Variants in BPGM observed in about 807,000 individuals in gnomAD.
BPGM encodes 2,3-bisphosphoglycerate mutase, erythrocyte.
Under a neutral mutation model 21.6 loss-of-function variants are expected in BPGM, and 15 were observed. The ratio of observed to expected loss-of-function variants is 0.70; its 90% CI spans 0.47 to 1.07. The LOEUF (loss-of-function observed/expected upper bound fraction) is 1.07. BPGM is among the 50% of genes least tolerant of loss of function. The pLI is 0.00. For synonymous variants in BPGM, 113 were observed against 116.2 expected (o/e 0.97, Z 0.18); for missense variants, 273 against 319.0 (o/e 0.86, Z 1.10).
intron 1 of BPGM, among the ~76,000 whole-genome samples, chr7:134,657,438 C>T (rs903154368): frequency 6.6e-6 from 1 of 152,178 alleles, no homozygotes; most frequent in African/African-American, 2.4e-5. Flanking sequence ...AAATAAGATA[C>T]TCAATTTTCA....
chr7:134,673,275 A>C (rs1795934418), intron 2 of BPGM, among the ~76,000 whole-genome samples: 1 of 152,242 alleles, frequency 6.6e-6, no homozygotes, highest in African/African-American at 2.4e-5. Flanking sequence ...AATATTTGTA[A>C]GTAATTAGTC....
intron 1 of BPGM, among the ~76,000 whole-genome samples, chr7:134,658,906 A>G (rs1373385321): frequency 8.8e-5 from 2 of 22,786 alleles, no homozygotes; most frequent in Non-Finnish European, 1.3e-4. Context: ...TTTTTTTAGT[A>G]AAAAGAAAAC....
At chr7:134,658,635 C>G (rs1184344341) in intron 1 of BPGM, 1 of 152,234 alleles carries the variant, frequency 6.6e-6, no homozygotes, top group African/African-American at 2.4e-5. Flanking sequence ...ACTGAAGTTT[C>G]TATGTTTGCA....
At chr7:134,648,427 G>A (rs143866777) in intron 1 of BPGM, among the ~76,000 whole-genome samples, 1,938 of 152,224 alleles carry the variant, frequency 0.013, 49 homozygotes, top group African/African-American at 0.044. Context: ...GAGCTACCGC[G>A]CCCGGCCTTC....
At position 134,646,922 on chromosome 7, in the gene BPGM, G is replaced by T; in HGVS notation, c.-77G>T. 5.2e-6 allele frequency: 1 copy of T among 190,912 alleles called. No individual in the cohort carries two copies. The highest frequency in any genetic ancestry group is 6.9e-5 in the South Asian group (1 of 14,484). 11.8% of individuals were successfully genotyped at this position (190,912 alleles called of 1,614,324 possible). The stretch of plus-strand genomic sequence containing the variant: ...GGCTGCTGCTGCTGCTGCTGCTGCT[G>T]GTGGCCCCTTTGCAGGTGAGTGGCT... On this transcript the variant is annotated 5_prime_UTR_variant, in exon 1 of 3. Coordinates refer to ENST00000344924, the MANE Select transcript of BPGM (RefSeq NM_001724.5).
intron 2 of BPGM, among the ~76,000 whole-genome samples, chr7:134,672,727 G>C (rs1320101247): frequency 6.6e-6 from 1 of 152,024 alleles, no homozygotes; most frequent in Non-Finnish European, 1.5e-5. Context: ...AAGGCTGATA[G>C]GACTAATTCA....
Position 134,646,897 on chromosome 7 carries a change from G to GGCTGCTGCT in BPGM, c.-85_-77dup, listed in dbSNP as rs147174635. On this transcript the variant is annotated 5_prime_UTR_variant, in exon 1 of 3. Coordinates refer to ENST00000344924, the MANE Select transcript of BPGM (RefSeq NM_001724.5). ...TGGCTCTTTGGCGGCTCGGAGGAGC[G>GGCTGCTGCT]GCTGCTGCTGCTGCTGCTGCTGCTG... The GGCTGCTGCT allele has an allele frequency of 1.8e-3, 338 of 185,934 alleles. 10 individuals are homozygous for GGCTGCTGCT. Among genetic ancestry groups the GGCTGCTGCT allele is most frequent in the African/African-American group, 3.7e-3 (155 of 42,224 alleles). 11.5% of individuals were successfully genotyped at this position (185,934 alleles called of 1,614,324 possible).
intron 1 of BPGM, among the ~76,000 whole-genome samples, chr7:134,653,815 T>A (rs1018783980): frequency 1.3e-5 from 2 of 152,222 alleles, no homozygotes; most frequent in Admixed American, 1.3e-4. Flanking sequence ...ACTTCAATTT[T>A]ATGGTGGCAT....
chr7:134,674,592 A>T (rs1218009765), intron 2 of BPGM, among the ~76,000 whole-genome samples: 1 of 152,214 alleles, frequency 6.6e-6, no homozygotes, highest in Non-Finnish European at 1.5e-5. Flanking sequence ...TTGGTTCAGT[A>T]CTTCATTCCT....
intron 2 of BPGM, among the ~76,000 whole-genome samples, chr7:134,670,462 A>AT (rs1392135901): frequency 6.6e-6 from 1 of 152,114 alleles, no homozygotes; most frequent in Non-Finnish European, 1.5e-5. Flanking sequence ...AGAACCCTTT[A>AT]TTTTTTAAAC....
chr7:134,661,217 A>G lies in BPGM; in HGVS notation c.-61-230A>G, dbSNP rs565465287. 9.6e-4 allele frequency among the ~76,000 whole-genome samples: 146 copies of G among 152,346 alleles called. No individual in the cohort carries two copies. Among genetic ancestry groups the G allele is most frequent in the African/African-American group, 3.4e-3 (141 of 41,576 alleles). On this transcript the variant is annotated intron_variant, in intron 1 of 2. Coordinates refer to ENST00000344924, the MANE Select transcript of BPGM (RefSeq NM_001724.5). The surrounding 1 kb of genome is among the most constrained non-coding windows in gnomAD (Gnocchi z 4.6). The stretch of plus-strand genomic sequence containing the variant: ...AGTGTTTTGTTATTTTATGTCATGC[A>G]ATTAACATGCTATCCAAACATCAGA...
At chr7:134,654,653 A>G (rs577231705) in intron 1 of BPGM, among the ~76,000 whole-genome samples, 4 of 152,190 alleles carry the variant, frequency 2.6e-5, no homozygotes, top group Non-Finnish European at 2.9e-5. Context: ...ACAGGTAGGT[A>G]AGAAAATGCA....
At chr7:134,675,040 T>C (rs1210391767) in intron 2 of BPGM, among the ~76,000 whole-genome samples, 1 of 152,210 alleles carries the variant, frequency 6.6e-6, no homozygotes, top group Non-Finnish European at 1.5e-5. Context: ...TTTATGTACT[T>C]ATTGACCTTT....
intron 2 of BPGM, among the ~76,000 whole-genome samples, chr7:134,671,963 T>G (rs540726081): frequency 6.6e-6 from 1 of 152,076 alleles, no homozygotes; most frequent in Non-Finnish European, 1.5e-5. Flanking sequence ...AGGAGGTGCT[T>G]TAGTAGATGT....
rs1254010524 is a variant in BPGM at position 134,678,891 on chromosome 7, A to C, written c.640A>C (p.Thr214Pro). ...DEDIINITLPTGVPILLELDE... is the reference protein window; with the variant it reads ...DEDIINITLPPGVPILLELDE... ...AGACATCATCAACATTACTCTTCCTACTGGAGTCCCCATTCTTCTGGAATT... is the reference window on the plus strand; with the variant it reads ...AGACATCATCAACATTACTCTTCCTCCTGGAGTCCCCATTCTTCTGGAATT... The change falls in exon 3 of 3, where the codon ACT becomes CCT. Residue 214 changes from threonine (T) to proline (P), a missense_variant. By Grantham distance (38) the Thr-to-Pro change is conservative. Transcript: ENST00000344924. The C allele has an allele frequency of 1.2e-6, 2 of 1,613,976 alleles. No homozygotes were observed. The highest frequency in any genetic ancestry group is 2.2e-5 in the South Asian group (2 of 91,072).
chr7:134,647,582 A>G (rs1400084307), intron 1 of BPGM, among the ~76,000 whole-genome samples: 1 of 152,222 alleles, frequency 6.6e-6, no homozygotes, highest in Admixed American at 6.5e-5. Context: ...TAAGCTTTAA[A>G]GAATAGTTGG....
intron 2 of BPGM, among the ~76,000 whole-genome samples, chr7:134,662,978 T>G (rs1437780846): frequency 6.6e-6 from 1 of 152,228 alleles, no homozygotes; most frequent in African/African-American, 2.4e-5. Flanking sequence ...GATTTCTCGT[T>G]TCCCTCTCTG....
Position 134,661,093 on chromosome 7 carries a change from A to T in BPGM, c.-61-354A>T, listed in dbSNP as rs1334658484. On this transcript the variant is annotated intron_variant, in intron 1 of 2. Coordinates refer to ENST00000344924, the MANE Select transcript of BPGM (RefSeq NM_001724.5). The surrounding 1 kb of genome is among the most constrained non-coding windows in gnomAD (Gnocchi z 4.6). Reference sequence around the variant, plus strand: ...AGCTGGGAGTTCCCAGCCACTAGTCATTCTTTCAGACGTCTGTAACTCATT... The same window carrying T: ...AGCTGGGAGTTCCCAGCCACTAGTCTTTCTTTCAGACGTCTGTAACTCATT... Among the ~76,000 whole-genome samples, 2 of 152,242 alleles carry T rather than the reference A, an allele frequency of 1.3e-5. No homozygotes were observed. Among genetic ancestry groups the T allele is most frequent in the East Asian group, 3.8e-4 (2 of 5,200 alleles).
chr7:134,678,730 C>T (rs940645058), intron 2 of BPGM, 123 bp from the exon 3 acceptor site: 2 of 972,092 alleles, frequency 2.1e-6, no homozygotes, highest in Admixed American at 1.8e-5. Flanking sequence ...TAGCTGGAAT[C>T]CCTCAGTACC....
Sources: gnomAD v4.1 joint callset for allele counts (sites outside exome capture counted in the v4.1 genomes callset) on GRCh38, gnomAD v4.1.1 for gene constraint, Gnocchi (gnomAD v3.1) non-coding constraint, MANE v1.5 for transcripts, NCBI Gene and HGNC (gene_info 2026-07-23, HGNC 2026-07-21) for gene names.